Variants in RAD51B observed in about 807,000 individuals in gnomAD.
RAD51B encodes DNA repair protein RAD51 homolog 2.
In RAD51B, 38 loss-of-function variants were observed where a neutral mutation model predicts 42.2. The ratio of observed to expected loss-of-function variants is 0.90; its 90% confidence interval spans 0.70 to 1.18. The LOEUF (loss-of-function observed/expected upper bound fraction) is 1.18, where lower values mean the gene tolerates loss of function less well. RAD51B is among the 50% of genes most tolerant of loss of function. The pLI is 0.00. For synonymous variants in RAD51B, 154 were observed against 145.2 expected, an observed-to-expected ratio of 1.06 and a Z score of -0.43; for missense variants, 373 against 400.7, an observed-to-expected ratio of 0.93 and a Z score of 0.59.
intron 10 of RAD51B, among the ~76,000 whole-genome samples, chr14:68,515,784 T>C (rs1181851368): frequency 2.7e-5 from 4 of 145,818 alleles, no homozygotes; most frequent in African/African-American, 7.5e-5. Context: ...TTTTCTTTTT[T>C]TTTTTTTTTT....
In RAD51B at chr14:67,842,562, G is replaced by T. The variant is rs149341790; in HGVS notation, c.315+7366G>T. Among the ~76,000 whole-genome samples the T allele has an allele frequency of 7.3e-4, 111 of 152,234 alleles. No individual in the cohort carries two copies. In the East Asian group the frequency reaches 0.017, roughly 23 times the overall value. On this transcript the variant is annotated intron_variant, in intron 4 of 10. Transcript: ENST00000471583. ...TTTTTATATTTTTAGTAGAGATGGG[G>T]TTTCACCATATTGGCCAAGCTGGTC... is the stretch of plus-strand genomic sequence containing the variant.
At chr14:68,071,885 C>T (rs2076745255) in intron 7 of RAD51B, among the ~76,000 whole-genome samples, 1 of 150,970 alleles carries the variant, frequency 6.6e-6, no homozygotes, top group South Asian at 2.1e-4. Flanking sequence ...TCTACCTGGT[C>T]CAGGGCTTTT....
intron 7 of RAD51B, among the ~76,000 whole-genome samples, chr14:68,199,783 G>T (rs930204733): frequency 2.0e-4 from 31 of 152,126 alleles, no homozygotes; most frequent in African/African-American, 7.5e-4. Context: ...GGTCTGTCTT[G>T]GCTAAGCCAA....
rs1295378930 is a variant in RAD51B at position 68,156,476 on chromosome 14, T to TCTCTCG, written c.757-135403_757-135402insGCTCTC. Among the ~76,000 whole-genome samples, 1,094 of 151,076 alleles carry TCTCTCG rather than the reference T, an allele frequency of 7.2e-3. 9 individuals carry two copies. The highest frequency in any genetic ancestry group is 0.013 in the Non-Finnish European group (847 of 67,754). On this transcript the variant is annotated intron_variant, in intron 7 of 10. Coordinates refer to ENST00000471583, the MANE Select transcript of RAD51B (RefSeq NM_133510.4). Reference sequence around the variant, plus strand: ...AAATTTCTCTCTCTCTCTCTCTCTCTCTCTCTCTCTCTCTCTCTCTGCCTT... The same window carrying TCTCTCG: ...AAATTTCTCTCTCTCTCTCTCTCTCTCTCTCGCTCTCTCTCTCTCTCTCTCTGCCTT...
chr14:68,510,378 G>A (rs903467517), intron 10 of RAD51B, among the ~76,000 whole-genome samples: 1 of 152,188 alleles, frequency 6.6e-6, no homozygotes, highest in Non-Finnish European at 1.5e-5. Flanking sequence ...TAGAGTAGGA[G>A]GCTGGGGGCG....
chr14:68,000,624 C>T (rs957930), intron 7 of RAD51B, among the ~76,000 whole-genome samples: 9,116 of 152,102 alleles, frequency 0.06, 643 homozygotes, highest in African/African-American at 0.17. Flanking sequence ...ATTGAGTTTA[C>T]TTCACTTTTC....
intron 4 of RAD51B, among the ~76,000 whole-genome samples, chr14:67,864,488 G>A (rs927765140): frequency 1.3e-5 from 2 of 152,094 alleles, no homozygotes; most frequent in Admixed American, 6.6e-5. Flanking sequence ...AATAAATTGT[G>A]TACATCAGTA....
intron 7 of RAD51B, among the ~76,000 whole-genome samples, chr14:68,086,899 G>A (rs1230075046): frequency 6.6e-6 from 1 of 152,114 alleles, no homozygotes; most frequent in Non-Finnish European, 1.5e-5. Flanking sequence ...ACTTTGGGAG[G>A]CCAAGGTGGG....
chr14:68,306,516 G>T, intron 8 of RAD51B: 1 of 380,784 alleles, frequency 2.6e-6, no homozygotes, highest in South Asian at 2.2e-5. Context: ...ACAAGCCCAA[G>T]CTGAACAGCT....
intron 7 of RAD51B, among the ~76,000 whole-genome samples, chr14:68,277,523 G>A (rs1457295731): frequency 6.6e-6 from 1 of 152,136 alleles, no homozygotes; most frequent in Non-Finnish European, 1.5e-5. Flanking sequence ...CTTTAGGCAA[G>A]TCACTTTTTC....
chr14:68,177,982 G>T (rs997412127), intron 7 of RAD51B, among the ~76,000 whole-genome samples: 1 of 152,126 alleles, frequency 6.6e-6, no homozygotes, highest in South Asian at 2.1e-4. Flanking sequence ...AGAATACCTG[G>T]TCTCTCAGCA....
rs573170036 is a variant in RAD51B, at chr14:68,564,301, G to A, written c.1037-30184G>A. Among the ~76,000 whole-genome samples the A allele has an allele frequency of 7.9e-5, 12 of 152,314 alleles. No homozygotes were observed. The South Asian group carries it at 1.0e-3, about 13-fold the overall frequency. On this transcript the variant is annotated intron_variant, in intron 10 of 10. Coordinates refer to the RAD51B transcript ENST00000487270. ...ATTATTTCCCTCGTCAACAGTCTCC[G>A]TCTCCTTTGCAGCCTGTGGGTATTG...
intron 10 of RAD51B, among the ~76,000 whole-genome samples, chr14:68,628,825 T>G (rs1892157246): frequency 6.6e-6 from 1 of 152,116 alleles, no homozygotes; most frequent in Non-Finnish European, 1.5e-5. Flanking sequence ...GAGCTGAGGT[T>G]TCGGCTGAGC....
intron 8 of RAD51B, among the ~76,000 whole-genome samples, chr14:68,314,300 A>G (rs1011240718): frequency 3.2e-4 from 48 of 149,910 alleles, no homozygotes; most frequent in Non-Finnish European, 5.8e-4. Context: ...TGACCCCTGC[A>G]CTCATTCTGA....
At chr14:68,508,495 C>T (rs887957206) in intron 10 of RAD51B, among the ~76,000 whole-genome samples, 4 of 152,218 alleles carry the variant, frequency 2.6e-5, no homozygotes, top group Non-Finnish European at 5.9e-5. Context: ...CAACATTCTA[C>T]GCAAGCCAGC....
downstream of RAD51B, among the ~76,000 whole-genome samples, chr14:68,599,091 C>T (rs892572520): frequency 3.9e-5 from 6 of 152,194 alleles, no homozygotes; most frequent in South Asian, 2.1e-4. Context: ...CTCCCTTTGC[C>T]GCTGCTTTAT....
chr14:68,240,556 A>G (rs1298368103), intron 7 of RAD51B, among the ~76,000 whole-genome samples: 1 of 152,220 alleles, frequency 6.6e-6, no homozygotes, highest in African/African-American at 2.4e-5. Context: ...TTGCTAGTAG[A>G]GTAAGATAAA....
chr14:68,483,865 C>T lies in RAD51B; in HGVS notation c.1036+15615C>T, dbSNP rs376718003. ...ATTGACAAGAGCTGCTTTTGGTTTT[C>T]CTTCCAGTTTAGCCCTCCTGAGCCT... On this transcript the variant is annotated intron_variant, in intron 10 of 10. Coordinates refer to the RAD51B transcript ENST00000487270. Among the ~76,000 whole-genome samples the T allele has an allele frequency of 2.9e-4, 44 of 152,274 alleles. 5 individuals are homozygous for T. The highest frequency in any genetic ancestry group is 1.0e-3 in the African/African-American group (43 of 41,564).
intron 7 of RAD51B, among the ~76,000 whole-genome samples, chr14:68,050,385 A>AAT (rs2140417489): frequency 6.6e-6 from 1 of 152,242 alleles, no homozygotes; most frequent in South Asian, 2.1e-4. Flanking sequence ...CTGACTCATC[A>AAT]ATATACCAGC....
Sources: allele counts gnomAD v4.1 joint callset (sites outside exome capture counted in the v4.1 genomes callset), GRCh38; gene constraint gnomAD v4.1.1; transcripts MANE v1.5; gene names NCBI Gene and HGNC (gene_info 2026-07-23, HGNC 2026-07-21).